Variants in HIVEP3 observed in about 807,000 individuals in gnomAD.
The protein encoded by HIVEP3 is transcription factor HIVEP3.
Under a neutral mutation model 152.8 loss-of-function variants are expected in HIVEP3, and 49 were observed. The observed-to-expected ratio is 0.32, with a 90% CI of 0.26 to 0.41. HIVEP3 has a LOEUF of 0.41. Among genes scored for constraint, HIVEP3 ranks in the 10% least tolerant of loss-of-function variants. The probability of loss-of-function intolerance (pLI) is 1.00; values close to 1 mark genes in which losing one functional copy is unlikely to be tolerated. For missense variants in HIVEP3, 2,790 were observed against 3,103.3 expected (o/e 0.90, Z 2.40); for synonymous variants, 1,269 against 1,289.0 (o/e 0.98, Z 0.33).
chr1:41,600,914 G>A (rs1448863631), intron 3 of HIVEP3, among the ~76,000 whole-genome samples: 1 of 152,088 alleles, frequency 6.6e-6, no homozygotes, highest in African/African-American at 2.4e-5. Flanking sequence ...TATGTACGGT[G>A]ATTTTTATGT....
At chr1:41,805,883 C>G (rs1448514425) in intron 1 of HIVEP3, among the ~76,000 whole-genome samples, 3 of 151,756 alleles carry the variant, frequency 2.0e-5, no homozygotes, top group Admixed American at 1.3e-4. Context: ...GCCTTGTGTT[C>G]TGTGTGTGTG....
In HIVEP3 at chr1:41,766,299, C is replaced by T. The variant is rs142996602; in HGVS notation, c.-800-65304G>A. Among the ~76,000 whole-genome samples, 888 of 152,320 alleles carry T rather than the reference C, an allele frequency of 5.8e-3. 20 individuals are homozygous for T. In the South Asian group the frequency reaches 0.075, roughly 13 times the overall value. On this transcript the variant is annotated intron_variant, in intron 1 of 8. Transcript: ENST00000372583. Reference sequence around the variant, plus strand: ...CACAACTAGAGGTTACTACTGGCATCTAGTGGGTAAAGGCCAGGGATGTTG... The same window carrying T: ...CACAACTAGAGGTTACTACTGGCATTTAGTGGGTAAAGGCCAGGGATGTTG...
At chr1:41,943,542 C>A (rs1645058734) in intron 1 of HIVEP3, among the ~76,000 whole-genome samples, 1 of 152,194 alleles carries the variant, frequency 6.6e-6, no homozygotes, top group Admixed American at 6.5e-5. Flanking sequence ...TCCCACTTCA[C>A]TTTCTGAGGC....
At chr1:41,867,807 A>T (rs1570701582) in intron 1 of HIVEP3, among the ~76,000 whole-genome samples, 2 of 152,106 alleles carry the variant, frequency 1.3e-5, no homozygotes, top group African/African-American at 4.8e-5. Flanking sequence ...ACCAAGGTAA[A>T]TCCTGTCAGT....
At chr1:41,595,256 A>G (rs1465581271) in intron 3 of HIVEP3, among the ~76,000 whole-genome samples, 4 of 152,196 alleles carry the variant, frequency 2.6e-5, no homozygotes, top group African/African-American at 9.7e-5. Context: ...CATTGTGGAA[A>G]GAGAAATCTC....
chr1:41,624,697 T>C lies in HIVEP3; in HGVS notation c.-522+4052A>G, dbSNP rs933122033. Among the ~76,000 whole-genome samples, 19 of 152,340 alleles carry C rather than the reference T, an allele frequency of 1.2e-4. No individual in the cohort carries two copies. The South Asian group carries it at 3.9e-3, about 32-fold the overall frequency. Reference sequence around the variant, plus strand: ...ATTGTGGGGCTTCCTGTCTGACTTATGTGTGTAATAGGAAGGAATTCAAGC... The same window carrying C: ...ATTGTGGGGCTTCCTGTCTGACTTACGTGTGTAATAGGAAGGAATTCAAGC... On this transcript the variant is annotated intron_variant, in intron 3 of 8. Transcript: ENST00000372583.
At chr1:41,903,266 G>A (rs1429773046) in intron 1 of HIVEP3, among the ~76,000 whole-genome samples, 2 of 152,212 alleles carry the variant, frequency 1.3e-5, no homozygotes, top group Non-Finnish European at 2.9e-5. Context: ...GATCTATGGA[G>A]GTCACATAGG....
chr1:41,870,246 A>T (rs900185080), intron 1 of HIVEP3, among the ~76,000 whole-genome samples: 4 of 152,094 alleles, frequency 2.6e-5, no homozygotes, highest in Admixed American at 2.6e-4. Context: ...CTTCCCCAAA[A>T]AAAGCCCCCC....
intron 5 of HIVEP3, among the ~76,000 whole-genome samples, chr1:41,529,994 C>A (rs1643196002): frequency 6.7e-6 from 1 of 148,186 alleles, no homozygotes; most frequent in Non-Finnish European, 1.5e-5. Flanking sequence ...GCACACACAC[C>A]ACACACTTAG....
At chr1:41,953,138 T>C (rs1354167818) in intron 1 of HIVEP3, among the ~76,000 whole-genome samples, 3 of 152,214 alleles carry the variant, frequency 2.0e-5, no homozygotes, top group Non-Finnish European at 2.9e-5. Flanking sequence ...CAATGATCTT[T>C]CCTGACTTCC....
intron 2 of HIVEP3, among the ~76,000 whole-genome samples, chr1:41,665,455 G>A (rs1157767518): frequency 6.6e-6 from 1 of 151,848 alleles, no homozygotes; most frequent in Non-Finnish European, 1.5e-5. Context: ...CCTCAAACAT[G>A]AATCAGGCAC....
At chr1:41,999,959 T>A (rs984514984) in intron 1 of HIVEP3, among the ~76,000 whole-genome samples, 1 of 152,156 alleles carries the variant, frequency 6.6e-6, no homozygotes, top group Non-Finnish European at 1.5e-5. Context: ...ATTAAATATG[T>A]CCAGACTCTA....
intron 1 of HIVEP3, among the ~76,000 whole-genome samples, chr1:41,984,677 C>A (rs1645311707): frequency 6.6e-6 from 1 of 152,192 alleles, no homozygotes; most frequent in South Asian, 2.1e-4. Flanking sequence ...AGAAAGCACA[C>A]TGACCACTAC....
chr1:41,655,134 C>T (rs548969285), intron 2 of HIVEP3, among the ~76,000 whole-genome samples: 3 of 152,152 alleles, frequency 2.0e-5, no homozygotes, highest in South Asian at 4.1e-4. Flanking sequence ...CTGACCGAGC[C>T]GACCCTTCCA....
chr1:41,543,220 CT>C (rs1317127470), intron 5 of HIVEP3: 1 of 152,258 alleles, frequency 6.6e-6, no homozygotes, highest in Non-Finnish European at 1.5e-5. Context: ...CGTGATTCAG[CT>C]CCTGCTCCTG....
chr1:41,968,043 G>A (rs1051940108), intron 1 of HIVEP3, among the ~76,000 whole-genome samples: 8 of 152,108 alleles, frequency 5.3e-5, no homozygotes, highest in African/African-American at 1.9e-4. Flanking sequence ...TTCTGAAATT[G>A]AGGCAGTAAT....
chr1:41,552,200 G>GTTTA (rs1242105785), intron 5 of HIVEP3, among the ~76,000 whole-genome samples: 4 of 152,262 alleles, frequency 2.6e-5, no homozygotes, highest in African/African-American at 7.2e-5. Flanking sequence ...TTTTGAATGA[G>GTTTA]TTTATTTATT....
At chr1:41,859,160 C>T (rs1053949513) in intron 1 of HIVEP3, among the ~76,000 whole-genome samples, 2 of 152,152 alleles carry the variant, frequency 1.3e-5, no homozygotes, top group African/African-American at 4.8e-5. Flanking sequence ...CAAATGACTG[C>T]CCCTAGGGTC....
chr1:41,890,573 T>C (rs140804433), intron 1 of HIVEP3, among the ~76,000 whole-genome samples: 1 of 152,352 alleles, frequency 6.6e-6, no homozygotes, highest in African/African-American at 2.4e-5. Context: ...CCTTTTTATA[T>C]AGTTTGTCAT....
Sources: gnomAD v4.1 joint callset for allele counts (sites outside exome capture counted in the v4.1 genomes callset) on GRCh38, gnomAD v4.1.1 for gene constraint, MANE v1.5 for transcripts, NCBI Gene and HGNC (gene_info 2026-07-23, HGNC 2026-07-21) for gene names.